Variants in BBOX1 observed in about 807,000 individuals in gnomAD.
BBOX1 encodes gamma-butyrobetaine hydroxylase 1.
A neutral mutation model predicts 41.6 loss-of-function variants in BBOX1; 35 were observed. The observed-to-expected ratio is 0.84, with a 90% CI of 0.64 to 1.11. The LOEUF (loss-of-function observed/expected upper bound fraction) is 1.11, where lower values mean the gene tolerates loss of function less well. BBOX1 is among the 50% of genes most tolerant of loss of function. BBOX1 has a pLI of 0.00. For synonymous variants in BBOX1, 163 were observed against 154.7 expected, an observed-to-expected ratio of 1.05 and a Z score of -0.40; for missense variants, 458 against 460.6, an observed-to-expected ratio of 0.99 and a Z score of 0.05.
intron 4 of BBOX1, among the ~76,000 whole-genome samples, chr11:27,088,451 T>C (rs1858122654): frequency 6.6e-6 from 1 of 152,038 alleles, no homozygotes; most frequent in Non-Finnish European, 1.5e-5. Flanking sequence ...TGAATAGCAA[T>C]GTTGTTTCAG....
In BBOX1 at chr11:27,127,459, C is replaced by A; in HGVS notation, c.*6C>A. The stretch of plus-strand genomic sequence containing the variant: ...GGGTGGAGAATGGAAACTGAAGTCA[C>A]CTGTAGATAATTTTAATAAGATTCC... On this transcript the variant is annotated 3_prime_UTR_variant, in exon 9 of 9. Transcript: ENST00000263182. 6.3e-7 allele frequency: 1 copy of A among 1,592,564 alleles called. No homozygotes were observed. Among genetic ancestry groups the A allele is most frequent in the Non-Finnish European group, 8.5e-7 (1 of 1,173,770 alleles).
In BBOX1 at chr11:27,109,909, T is replaced by C. The variant is rs1590219761; in HGVS notation, c.534-5543T>C. ...CTTATTTTGTGTGCTCATTTGTCCATATGTGAATGGAGATTTTATAAAAAG... is the reference window on the plus strand; with the variant it reads ...CTTATTTTGTGTGCTCATTTGTCCACATGTGAATGGAGATTTTATAAAAAG... On this transcript the variant is annotated intron_variant, in intron 5 of 8. Transcript: ENST00000263182. Among the ~76,000 whole-genome samples, 3 of 152,040 alleles carry C rather than the reference T, an allele frequency of 2.0e-5. No homozygotes were observed. The South Asian group carries it at 6.2e-4, about 31-fold the overall frequency.
chr11:27,116,941 C>T (rs895829962), intron 6 of BBOX1, among the ~76,000 whole-genome samples: 1 of 151,974 alleles, frequency 6.6e-6, no homozygotes, highest in African/African-American at 2.4e-5. Flanking sequence ...CTATCAGATT[C>T]CTTGTCAAGG....
chr11:27,115,553 C>A lies in BBOX1; in HGVS notation c.635C>A (p.Pro212His). The A allele has an allele frequency of 6.2e-7, 1 of 1,607,516 alleles. No homozygotes were observed. The highest frequency in any genetic ancestry group is 8.5e-7 in the Non-Finnish European group (1 of 1,175,972). Residue 212 changes from proline to histidine, a missense_variant, in exon 6 of 9, where the codon CCT becomes CAT. Pro to His is a moderately conservative substitution (Grantham distance 77). Coordinates refer to ENST00000263182, the MANE Select transcript of BBOX1 (RefSeq NM_003986.3). ...HTDYPALHHP[P>H]GVQLLHCIKQ... The stretch of plus-strand genomic sequence containing the variant: ...GATTATCCAGCCCTCCATCATCCAC[C>A]TGGGGTAAGTGAGCTTCAACATATT...
chr11:27,094,877 A>G (rs901237934), intron 5 of BBOX1, among the ~76,000 whole-genome samples: 13 of 151,996 alleles, frequency 8.6e-5, no homozygotes, highest in African/African-American at 3.1e-4. Context: ...GCTGCCCTAG[A>G]GATTACAGCA....
chr11:27,098,797 G>A (rs1204560598), intron 5 of BBOX1, among the ~76,000 whole-genome samples: 1 of 151,970 alleles, frequency 6.6e-6, no homozygotes, highest in African/African-American at 2.4e-5. Flanking sequence ...GACTTGGTGG[G>A]AAGGGTACAG....
chr11:27,090,083 C>T (rs945820267), intron 4 of BBOX1, among the ~76,000 whole-genome samples: 7 of 152,074 alleles, frequency 4.6e-5, no homozygotes, highest in African/African-American at 7.2e-5. Flanking sequence ...AAATCAATCC[C>T]GTTTTCTTTT....
intron 4 of BBOX1, among the ~76,000 whole-genome samples, chr11:27,061,434 TTGG>T (rs1207497707): frequency 6.6e-6 from 1 of 152,194 alleles, no homozygotes; most frequent in Non-Finnish European, 1.5e-5. Flanking sequence ...AGCTGTGCAG[TTGG>T]TGGGTAAAAA....
chr11:27,124,574 G>A (rs573460162), intron 7 of BBOX1, among the ~76,000 whole-genome samples: 4 of 152,114 alleles, frequency 2.6e-5, no homozygotes, highest in South Asian at 2.1e-4. Context: ...CTGGAGTGTC[G>A]TGGTGCGATC....
chr11:27,103,727 TA>T (rs1858755575), intron 5 of BBOX1, among the ~76,000 whole-genome samples: 1 of 152,064 alleles, frequency 6.6e-6, no homozygotes. Context: ...GAAAAAATAA[TA>T]TTTTATCTTT....
At chr11:27,046,918 A>ATGTTTT (rs10684089) in intron 2 of BBOX1, among the ~76,000 whole-genome samples, 52 of 148,614 alleles carry the variant, frequency 3.5e-4, no homozygotes, top group South Asian at 6.4e-4. Flanking sequence ...ATGATCTGCA[A>ATGTTTT]TTTTTTTTTT....
At position 27,092,548 on chromosome 11, in the gene BBOX1, C is replaced by A. The variant is rs17243895; in HGVS notation, c.335-620C>A. 3.2e-4 allele frequency among the ~76,000 whole-genome samples: 49 copies of A among 152,002 alleles called. 1 individual carries two copies. The highest frequency in any genetic ancestry group is 5.9e-4 in the Admixed American group (9 of 15,246). ...TAATCATGAAGAATGAGAGAGCTAA[C>A]GGAAAGCATTTGACCTTATCTGTGT... On this transcript the variant is annotated intron_variant, in intron 4 of 8. Coordinates refer to ENST00000263182, the MANE Select transcript of BBOX1 (RefSeq NM_003986.3).
intron 5 of BBOX1, among the ~76,000 whole-genome samples, chr11:27,113,490 T>C (rs1270252099): frequency 2.0e-5 from 3 of 151,768 alleles, no homozygotes; most frequent in Admixed American, 1.3e-4. Context: ...ACAACAAGAT[T>C]ATGTCCTTTG....
Position 27,045,286 on chromosome 11 carries a change from G to A in BBOX1, c.-39+3808G>A, listed in dbSNP as rs189095722. On this transcript the variant is annotated intron_variant, in intron 2 of 8. Coordinates refer to ENST00000263182, the MANE Select transcript of BBOX1 (RefSeq NM_003986.3). ...TTTTTGCACATTGATTTTGTATCCC[G>A]AGACTTTGCTGAAGTTGCTTATCAG... Among the ~76,000 whole-genome samples, 184 of 152,252 alleles carry A rather than the reference G, an allele frequency of 1.2e-3. 1 individual carries two copies. Among genetic ancestry groups the A allele is most frequent in the African/African-American group, 3.3e-3 (137 of 41,546 alleles).
At chr11:27,119,910 A>G in intron 7 of BBOX1, 65 bp downstream of exon 7, 1 of 1,065,882 alleles carries the variant, frequency 9.4e-7, no homozygotes, top group Non-Finnish European at 1.2e-6. Context: ...CCACTAATCT[A>G]AAGTTTAAAC....
rs201240605 is a variant in BBOX1 at position 27,125,776 on chromosome 11, T to G, written c.959T>G (p.Leu320Arg). ...GCTGCTCTGAAGGAGTTTGTTGACC[T>G]CATGAACAGCAAAGAATCCAAGTTT... ...FYAALKEFVD[L>R]MNSKESKFTF... The change falls in exon 8 of 9, where the codon CTC becomes CGC. Residue 320 changes from leucine (L) to arginine (R), a missense_variant. Physicochemically the swap from Leu to Arg is moderately radical, Grantham distance 102. Transcript: ENST00000263182. 14 of 1,613,300 alleles carry G rather than the reference T, an allele frequency of 8.7e-6. No individual in the cohort carries two copies. In the East Asian group the frequency reaches 3.1e-4, roughly 36 times the overall value.
intron 6 of BBOX1, 27 bp downstream of exon 6, chr11:27,115,584 C>T (rs775229130): frequency 2.0e-5 from 31 of 1,565,060 alleles, no homozygotes; most frequent in Non-Finnish European, 2.6e-5. Context: ...ATATTTTCCA[C>T]AAAGCATGAT....
At chr11:27,053,549 T>C (rs1397479074) in intron 2 of BBOX1, among the ~76,000 whole-genome samples, 3 of 152,248 alleles carry the variant, frequency 2.0e-5, no homozygotes. Flanking sequence ...CCGGTTAAAA[T>C]GTACTACATT....
intron 5 of BBOX1, among the ~76,000 whole-genome samples, chr11:27,114,533 T>G (rs1859187698): frequency 6.6e-6 from 1 of 151,858 alleles, no homozygotes; most frequent in Non-Finnish European, 1.5e-5. Flanking sequence ...AGTGTGATAT[T>G]GGCATAAGGA....
Sources: gnomAD v4.1 joint callset for allele counts (sites outside exome capture counted in the v4.1 genomes callset) on GRCh38, gnomAD v4.1.1 for gene constraint, MANE v1.5 for transcripts, NCBI Gene and HGNC (gene_info 2026-07-23, HGNC 2026-07-21) for gene names.